Variants in GALNTL6 observed in about 807,000 individuals in gnomAD.
GALNTL6 encodes polypeptide N-acetylgalactosaminyltransferase-like 6.
GALNTL6 carries 46 observed loss-of-function variants against 73.7 expected under a neutral mutation model. The observed-to-expected ratio is 0.62, with a 90% CI of 0.49 to 0.80. The LOEUF (loss-of-function observed/expected upper bound fraction) is 0.80, where lower values mean the gene tolerates loss of function less well. Ranked by LOEUF, GALNTL6 falls within the 30% of genes least tolerant of loss-of-function variation. The pLI is 0.00. For synonymous variants in GALNTL6, 259 were observed against 263.7 expected, an observed-to-expected ratio of 0.98 and a Z score of 0.17; for missense variants, 604 against 755.0, an observed-to-expected ratio of 0.80 and a Z score of 2.34.
At chr4:172,108,084 T>A (rs1214837388) in intron 2 of GALNTL6, among the ~76,000 whole-genome samples, 1 of 152,206 alleles carries the variant, frequency 6.6e-6, no homozygotes, top group Non-Finnish European at 1.5e-5. Context: ...GGGGAAACAG[T>A]TAATGTAAAC....
At chr4:171,986,719 T>C (rs1025678935) in intron 2 of GALNTL6, among the ~76,000 whole-genome samples, 3 of 152,136 alleles carry the variant, frequency 2.0e-5, no homozygotes, top group Non-Finnish European at 4.4e-5. Flanking sequence ...ATGGCCTGGA[T>C]ACCGTTTTGT....
At position 172,775,122 on chromosome 4, in the gene GALNTL6, G is replaced by A. The variant is rs181856008; in HGVS notation, c.554-34239G>A. ...GAAACCTGTTTTTCTCACTGGAAAA[G>A]CATGTTTTTCTTGAGATGACCAAAT... is the stretch of plus-strand genomic sequence containing the variant. On this transcript the variant is annotated intron_variant, in intron 5 of 12. Transcript: ENST00000506823. Among the ~76,000 whole-genome samples the A allele has an allele frequency of 3.4e-3, 514 of 152,134 alleles. 2 individuals carry two copies. The highest frequency in any genetic ancestry group is 0.012 in the African/African-American group (504 of 41,498).
chr4:172,999,350 A>G (rs751714485), intron 10 of GALNTL6, among the ~76,000 whole-genome samples: 22 of 151,890 alleles, frequency 1.4e-4, no homozygotes, highest in Non-Finnish European at 2.4e-4. Flanking sequence ...GTGCGCACTC[A>G]CACACACACA....
intron 2 of GALNTL6, among the ~76,000 whole-genome samples, chr4:172,009,260 G>C (rs1476941262): frequency 2.0e-5 from 3 of 152,048 alleles, no homozygotes; most frequent in African/African-American, 7.2e-5. Flanking sequence ...GTAGAATTGT[G>C]ATTAGCATCC....
At chr4:172,535,108 T>G (rs1277889009) in intron 5 of GALNTL6, among the ~76,000 whole-genome samples, 1 of 152,194 alleles carries the variant, frequency 6.6e-6, no homozygotes, top group Non-Finnish European at 1.5e-5. Flanking sequence ...TTTTAATAAA[T>G]TAATCAATTC....
At chr4:172,196,740 C>A (rs1363020924) in intron 2 of GALNTL6, among the ~76,000 whole-genome samples, 1 of 152,090 alleles carries the variant, frequency 6.6e-6, no homozygotes, top group Non-Finnish European at 1.5e-5. Flanking sequence ...ATAAAATTCA[C>A]CATCTCTTTA....
chr4:172,443,893 C>T (rs1579076530), intron 5 of GALNTL6, among the ~76,000 whole-genome samples: 1 of 152,146 alleles, frequency 6.6e-6, no homozygotes, highest in South Asian at 2.1e-4. Context: ...TGAACTTTAC[C>T]CAGCAAATCC....
At chr4:172,312,503 G>A (rs1331940136) in intron 4 of GALNTL6, among the ~76,000 whole-genome samples, 1 of 152,020 alleles carries the variant, frequency 6.6e-6, no homozygotes, top group Non-Finnish European at 1.5e-5. Context: ...ATGTAGTGTT[G>A]GCACATGTAT....
chr4:172,385,908 C>T (rs894145445), intron 5 of GALNTL6, among the ~76,000 whole-genome samples: 2 of 151,182 alleles, frequency 1.3e-5, no homozygotes, highest in South Asian at 2.1e-4. Flanking sequence ...ATTGTTTATA[C>T]ACACACACAC....
At chr4:172,463,500 T>C (rs1388678706) in intron 5 of GALNTL6, among the ~76,000 whole-genome samples, 1 of 152,202 alleles carries the variant, frequency 6.6e-6, no homozygotes, top group African/African-American at 2.4e-5. Flanking sequence ...GCTTTGTAAA[T>C]GCGTGTTTCT....
At chr4:171,990,417 A>G (rs1050348637) in intron 2 of GALNTL6, among the ~76,000 whole-genome samples, 2 of 152,170 alleles carry the variant, frequency 1.3e-5, no homozygotes, top group Non-Finnish European at 2.9e-5. Context: ...ACATAACAGT[A>G]AGAGGCAGAA....
chr4:172,174,367 C>A (rs56129399), intron 2 of GALNTL6, among the ~76,000 whole-genome samples: 53,965 of 152,008 alleles, frequency 0.36, 9,754 homozygotes, highest in Middle Eastern at 0.39. Flanking sequence ...AAGTATAGAT[C>A]TTTTTCTTTT....
At chr4:173,023,971 T>A (rs1443647787) in intron 12 of GALNTL6, among the ~76,000 whole-genome samples, 1 of 152,210 alleles carries the variant, frequency 6.6e-6, no homozygotes, top group African/African-American at 2.4e-5. Context: ...TTGCTTAGTA[T>A]GTTAGTGGTT....
At chr4:172,475,317 T>C (rs1333406743) in intron 5 of GALNTL6, among the ~76,000 whole-genome samples, 1 of 152,184 alleles carries the variant, frequency 6.6e-6, no homozygotes, top group Non-Finnish European at 1.5e-5. Context: ...TTATGATTCA[T>C]GGTAAATTAT....
At chr4:172,854,542 A>G (rs937983595) in intron 7 of GALNTL6, among the ~76,000 whole-genome samples, 18 of 152,120 alleles carry the variant, frequency 1.2e-4, no homozygotes, top group African/African-American at 4.1e-4. Flanking sequence ...CCTGACAGAG[A>G]CAGTTTCAAC....
Position 172,598,571 on chromosome 4 carries a change from C to T in GALNTL6, c.554-210790C>T, listed in dbSNP as rs1013209838. Among the ~76,000 whole-genome samples the T allele has an allele frequency of 5.3e-5, 8 of 152,186 alleles. No homozygotes were observed. In the East Asian group the frequency reaches 1.5e-3, roughly 29 times the overall value. ...GAGCAATTAACAAATAAACCCTCTC[C>T]CTCCCACCCCTCATTCATGCCTTTG... On this transcript the variant is annotated intron_variant, in intron 5 of 12. Coordinates refer to ENST00000506823, the MANE Select transcript of GALNTL6 (RefSeq NM_001034845.3).
chr4:172,760,271 G>T (rs1738003678), intron 5 of GALNTL6, among the ~76,000 whole-genome samples: 1 of 152,162 alleles, frequency 6.6e-6, no homozygotes, highest in Admixed American at 6.5e-5. Flanking sequence ...GTTCCTCCTT[G>T]TGGGTCTCAG....
intron 7 of GALNTL6, among the ~76,000 whole-genome samples, chr4:172,859,104 A>G (rs1049206472): frequency 6.6e-6 from 1 of 152,020 alleles, no homozygotes; most frequent in African/African-American, 2.4e-5. Context: ...CATATTAACT[A>G]CAATTTATTC....
intron 2 of GALNTL6, among the ~76,000 whole-genome samples, chr4:172,195,724 A>T (rs1431131926): frequency 6.6e-6 from 1 of 152,158 alleles, no homozygotes; most frequent in African/African-American, 2.4e-5. Context: ...GAAATCAAGA[A>T]GTTATTTGAA....
Sources: gnomAD v4.1 joint callset for allele counts (sites outside exome capture counted in the v4.1 genomes callset) on GRCh38, gnomAD v4.1.1 for gene constraint, MANE v1.5 for transcripts, NCBI Gene and HGNC (gene_info 2026-07-23, HGNC 2026-07-21) for gene names.